The following USP24 variants were observed in gnomAD, a reference collection of about 807,000 sequenced individuals.
USP24 encodes the protein ubiquitin carboxyl-terminal hydrolase 24.
Under a neutral mutation model 361.6 loss-of-function variants are expected in USP24, and 97 were observed. The observed-to-expected ratio is 0.27, with a 90% CI of 0.23 to 0.32. USP24 has a LOEUF of 0.32. USP24 is among the 10% of genes least tolerant of loss of function. The pLI, the probability that USP24 is intolerant of heterozygous loss-of-function variation, is 1.00. For synonymous variants in USP24, 1,098 were observed against 1,124.6 expected, an observed-to-expected ratio of 0.98 and a Z score of 0.47; for missense variants, 2,353 against 3,165.6, an observed-to-expected ratio of 0.74 and a Z score of 6.16.
rs1035409389 is a variant in USP24, at chr1:55,068,188, A to T, written c.*857T>A. 3 of 152,264 alleles carry T rather than the reference A, an allele frequency of 2.0e-5. No homozygotes were observed. Among genetic ancestry groups the T allele is most frequent in the Admixed American group, 2.0e-4 (3 of 15,288 alleles). 9.4% of individuals were successfully genotyped at this position (152,264 alleles called of 1,614,324 possible). ...TTCAATATGTCTCCAAGCATTAAAA[A>T]GATAATTCTGTGAAGTTAAACTCAG... On this transcript the variant is annotated 3_prime_UTR_variant, in exon 68 of 68. Coordinates refer to ENST00000294383, the MANE Select transcript of USP24 (RefSeq NM_015306.3).
At position 55,097,725 on chromosome 1, in the gene USP24, A is replaced by C. The variant is rs541797713; in HGVS notation, c.5596-8T>G. The C allele has an allele frequency of 9.9e-6, 15 of 1,518,018 alleles. No individual in the cohort carries two copies. The South Asian group carries it at 1.5e-4, about 16-fold the overall frequency. 94.0% of individuals were successfully genotyped at this position (1,518,018 alleles called of 1,614,324 possible). ...CCTTTTCACTGTTATTCTCTAAAGA[A>C]AAAAAAAAGGAAAAAGAGCAAATCT... On this transcript the variant is annotated splice_polypyrimidine_tract_variant and splice_region_variant and intron_variant, in intron 47 of 67. Transcript: ENST00000294383.
In USP24 at chr1:55,158,955, C is replaced by A; in HGVS notation, c.1150G>T (p.Asp384Tyr). ...AATAGAATATCTAGTCGAAGGTCAT[C>A]CACAATTGTCACCAGATCCGGTTGG... ...RFQPDLVTIVDDLRLDILLRM... is the reference protein window; with the variant it reads ...RFQPDLVTIVYDLRLDILLRM... Residue 384 changes from aspartate (D) to tyrosine (Y), a missense_variant, in exon 10 of 68, where the codon GAT becomes TAT. Physicochemically the swap from Asp to Tyr is radical, Grantham distance 160. Around this residue, in one of 8 missense-constraint regions of USP24, gnomAD observed 386 missense variants for 560.5 expected, o/e 0.69. Coordinates refer to ENST00000294383, the MANE Select transcript of USP24 (RefSeq NM_015306.3). The A allele has an allele frequency of 6.3e-7, 1 of 1,599,844 alleles. No homozygotes were observed. The highest frequency in any genetic ancestry group is 8.5e-7 in the Non-Finnish European group (1 of 1,171,884).
In USP24 at chr1:55,096,936, C is replaced by T; in HGVS notation, c.5936+16G>A. The stretch of plus-strand genomic sequence containing the variant: ...AGGGCAGAAAGTGAGTAAGTGCTGC[C>T]TCAGGAAACTCTTACCGCCTGTCCT... On this transcript the variant is annotated intron_variant, in intron 49 of 67. Transcript: ENST00000294383. 6.2e-7 allele frequency: 1 copy of T among 1,609,456 alleles called. No individual in the cohort carries two copies. The highest frequency in any genetic ancestry group is 1.1e-5 in the South Asian group (1 of 90,350).
At chr1:55,204,182 CCTTAAGT>C (rs1318765302) in intron 1 of USP24, among the ~76,000 whole-genome samples, 2 of 152,118 alleles carry the variant, frequency 1.3e-5, no homozygotes, top group Admixed American at 1.3e-4. Flanking sequence ...GCTATTTCCA[CCTTAAGT>C]CTTTCTAAAA....
chr1:55,098,382 T>C, intron 46 of USP24, 94 bp downstream of exon 46: 1 of 1,133,770 alleles, frequency 8.8e-7, no homozygotes, highest in African/African-American at 1.6e-5. Flanking sequence ...GAGAGAGTTC[T>C]AAGTCTCTTA....
chr1:55,092,913 C>T lies in USP24; in HGVS notation c.6358G>A (p.Val2120Met), dbSNP rs970703222. The part of the protein sequence containing the change: ...EKMPARIYQM[V>M]RDENLKFMKN... The stretch of plus-strand genomic sequence containing the variant: ...ATAAACTTGAGGTTCTCATCTCTCA[C>T]CATCTACAAAAGAAGATTAATAATT... The change falls in exon 53 of 68, where the codon GTG becomes ATG. Residue 2120 changes from valine (V) to methionine (M), a missense_variant. Val to Met is a conservative substitution (Grantham distance 21, BLOSUM62 1). Around this residue, in one of 8 missense-constraint regions of USP24, gnomAD observed 598 missense variants for 761.9 expected, o/e 0.78. Transcript: ENST00000294383. The T allele has an allele frequency of 6.5e-7, 1 of 1,549,414 alleles. No individual in the cohort carries two copies. The highest frequency in any genetic ancestry group is 1.2e-5 in the South Asian group (1 of 80,120).
chr1:55,092,420 T>G (rs1415950847), intron 53 of USP24, among the ~76,000 whole-genome samples: 1 of 152,234 alleles, frequency 6.6e-6, no homozygotes, highest in Non-Finnish European at 1.5e-5. Flanking sequence ...TTGTTTTCCC[T>G]TATTGGCAAA....
chr1:55,119,913 G>T (rs1646230705), intron 38 of USP24, among the ~76,000 whole-genome samples: 1 of 152,102 alleles, frequency 6.6e-6, no homozygotes, highest in Non-Finnish European at 1.5e-5. Context: ...TTTGGAGAGG[G>T]ACCTAATTTA....
intron 67 of USP24, chr1:55,071,603 T>C (rs1249681677): frequency 4.2e-6 from 5 of 1,203,280 alleles, no homozygotes; most frequent in African/African-American, 1.5e-5. Flanking sequence ...CTCGAGGCCT[T>C]CCATTCACTT....
chr1:55,165,342 T>C (rs1648722685), intron 7 of USP24, among the ~76,000 whole-genome samples: 1 of 152,016 alleles, frequency 6.6e-6, no homozygotes, highest in African/African-American at 2.4e-5. Flanking sequence ...GTCTGAAAAA[T>C]TAAAGATTAG....
intron 37 of USP24, 120 bp from the exon 38 acceptor site, chr1:55,120,876 G>A: frequency 8.0e-7 from 1 of 1,254,252 alleles, no homozygotes; most frequent in Non-Finnish European, 1.1e-6. Context: ...AAGGATACTA[G>A]AAAGGTATGA....
chr1:55,169,899 GAATCATTTAAGA>G, intron 5 of USP24, among the ~76,000 whole-genome samples: 1 of 152,234 alleles, frequency 6.6e-6, no homozygotes, highest in African/African-American at 2.4e-5. Context: ...AAGAGGTAAT[GAATCATTTAAGA>G]GGGGAGCGAG....
At chr1:55,214,508 A>G (rs1308561451) in intron 1 of USP24, among the ~76,000 whole-genome samples, 1 of 151,782 alleles carries the variant, frequency 6.6e-6, no homozygotes, top group Non-Finnish European at 1.5e-5. Flanking sequence ...GCATAGCCGG[A>G]AGCCTAAGGG....
chr1:55,145,924 G>A (rs1039454756), intron 20 of USP24, 74 bp downstream of exon 20: 1 of 1,079,150 alleles, frequency 9.3e-7, no homozygotes, highest in African/African-American at 1.6e-5. Context: ...TGAGAAGGAG[G>A]ATTAAAAGTA....
chr1:55,141,272 G>A (rs1646881058), intron 24 of USP24, among the ~76,000 whole-genome samples: 2 of 152,152 alleles, frequency 1.3e-5, no homozygotes, highest in South Asian at 4.1e-4. Context: ...TTCATACAAT[G>A]TATGTGTATT....
chr1:55,199,946 C>T (rs1338664344), intron 1 of USP24, among the ~76,000 whole-genome samples: 6 of 152,060 alleles, frequency 3.9e-5, no homozygotes, highest in Non-Finnish European at 5.9e-5. Context: ...CTTACATGGA[C>T]GGCAGCAGGC....
intron 1 of USP24, among the ~76,000 whole-genome samples, chr1:55,204,349 A>T (rs565133924): frequency 6.6e-6 from 1 of 152,334 alleles, no homozygotes; most frequent in East Asian, 1.9e-4. Context: ...ATGCCATTTC[A>T]TTAAAATAAT....
chr1:55,191,489 A>ACTTG (rs1646060545), intron 1 of USP24, among the ~76,000 whole-genome samples: 3 of 107,126 alleles, frequency 2.8e-5, no homozygotes, highest in Non-Finnish European at 5.8e-5. Context: ...TCAATATGGC[A>ACTTG]CTTTCTTTTT....
At chr1:55,103,521 T>C (rs1219420741) in intron 42 of USP24, among the ~76,000 whole-genome samples, 2 of 152,202 alleles carry the variant, frequency 1.3e-5, no homozygotes, top group Non-Finnish European at 2.9e-5. Context: ...TAACTGCACA[T>C]AGGCTGTACT....
Sources: allele counts gnomAD v4.1 joint callset (sites outside exome capture counted in the v4.1 genomes callset), GRCh38; gene constraint gnomAD v4.1.1; regional missense constraint gnomAD v4.1.1; transcripts MANE v1.5; gene names NCBI Gene and HGNC (gene_info 2026-07-23, HGNC 2026-07-21).